The following STK39 variants were observed in gnomAD, a reference collection of about 807,000 sequenced individuals.
STK39 encodes STE20/SPS1-related proline-alanine-rich protein kinase.
A neutral mutation model predicts 77.8 loss-of-function variants in STK39; 20 were observed. The observed-to-expected ratio is 0.26, with a 90% CI of 0.18 to 0.37. STK39 has a LOEUF of 0.37. Ranked by LOEUF, STK39 falls within the 10% of genes least tolerant of loss-of-function variation. STK39 has a pLI of 1.00. For synonymous variants in STK39, 246 were observed against 234.1 expected, an observed-to-expected ratio of 1.05 and a Z score of -0.47; for missense variants, 479 against 656.5, an observed-to-expected ratio of 0.73 and a Z score of 2.95.
At chr2:168,124,971 A>AG (rs1367506626) in intron 10 of STK39, among the ~76,000 whole-genome samples, 1 of 150,980 alleles carries the variant, frequency 6.6e-6, no homozygotes, top group African/African-American at 2.4e-5. Flanking sequence ...TGGGGTCTGT[A>AG]GGGGGGTGGG....
chr2:167,992,327 C>G (rs1456858040), intron 16 of STK39, among the ~76,000 whole-genome samples: 1 of 151,942 alleles, frequency 6.6e-6, no homozygotes, highest in African/African-American at 2.4e-5. Flanking sequence ...AACCTGCCCC[C>G]CAACAACAAC....
chr2:168,058,422 C>G (rs1461949069), intron 14 of STK39, among the ~76,000 whole-genome samples: 1 of 152,200 alleles, frequency 6.6e-6, no homozygotes, highest in Non-Finnish European at 1.5e-5. Context: ...CACTTCTCTT[C>G]TCTACCTTCA....
chr2:168,204,237 C>G (rs1032959001), intron 1 of STK39, among the ~76,000 whole-genome samples: 1 of 152,158 alleles, frequency 6.6e-6, no homozygotes, highest in Non-Finnish European at 1.5e-5. Context: ...GGTCACCCTA[C>G]CTTGCCGCAC....
At chr2:168,194,684 A>C (rs998044358) in intron 1 of STK39, among the ~76,000 whole-genome samples, 1 of 152,342 alleles carries the variant, frequency 6.6e-6, no homozygotes, top group South Asian at 2.1e-4. Context: ...TCCAGAAAAC[A>C]TGATACCTCA....
intron 10 of STK39, among the ~76,000 whole-genome samples, chr2:168,077,886 T>C (rs1244594166): frequency 6.2e-5 from 9 of 145,974 alleles, no homozygotes; most frequent in Admixed American, 4.8e-4. Flanking sequence ...GAATAATACC[T>C]TGCAAAGTTA....
At chr2:168,003,572 G>A (rs571529722) in intron 16 of STK39, among the ~76,000 whole-genome samples, 22 of 152,156 alleles carry the variant, frequency 1.4e-4, no homozygotes, top group Middle Eastern at 3.4e-3. Context: ...GAAACCCTAC[G>A]TCATATCTAA....
intron 10 of STK39, among the ~76,000 whole-genome samples, chr2:168,105,139 G>C (rs1448463088): frequency 6.6e-6 from 1 of 152,206 alleles, no homozygotes; most frequent in East Asian, 1.9e-4. Flanking sequence ...AGGTGATCCT[G>C]ACAGTGGTTA....
chr2:168,170,670 A>G (rs1688800849), intron 2 of STK39, among the ~76,000 whole-genome samples: 1 of 152,166 alleles, frequency 6.6e-6, no homozygotes, highest in African/African-American at 2.4e-5. Context: ...GAAGGCAGAG[A>G]GGAAGGTTGG....
chr2:168,223,101 G>A (rs985856189), intron 1 of STK39, among the ~76,000 whole-genome samples: 2 of 152,116 alleles, frequency 1.3e-5, no homozygotes, highest in African/African-American at 4.8e-5. Flanking sequence ...CAAGTAACTG[G>A]CTCTCAGTCA....
rs552704197 is a variant in STK39, at chr2:168,200,720, G to A, written c.209-18630C>T. Among the ~76,000 whole-genome samples, 924 of 142,710 alleles carry A rather than the reference G, an allele frequency of 6.5e-3. 11 individuals are homozygous for A. Among genetic ancestry groups the A allele is most frequent in the African/African-American group, 0.024 (826 of 34,898 alleles). The allele number at this position is 142,710 out of a possible 152,430, so 93.6% of individuals were successfully genotyped here. ...AAAATAAAATAAAATAAAATAAAAT[G>A]GGAACTTAAAAATCTATTCTGTTAA... On this transcript the variant is annotated intron_variant, in intron 1 of 17. Coordinates refer to ENST00000355999, the MANE Select transcript of STK39 (RefSeq NM_013233.3).
chr2:168,001,975 C>T (rs1042439193), intron 16 of STK39, among the ~76,000 whole-genome samples: 3 of 152,118 alleles, frequency 2.0e-5, no homozygotes, highest in South Asian at 2.1e-4. Context: ...GAAAGTGTGG[C>T]GAGACTGAGT....
intron 12 of STK39, among the ~76,000 whole-genome samples, chr2:168,066,693 T>C (rs1330992768): frequency 6.6e-6 from 1 of 152,202 alleles, no homozygotes; most frequent in Non-Finnish European, 1.5e-5. Flanking sequence ...TCTCCTGCCC[T>C]GCACAATCAT....
chr2:168,211,640 T>C (rs978734565), intron 1 of STK39, among the ~76,000 whole-genome samples: 1 of 152,184 alleles, frequency 6.6e-6, no homozygotes, highest in African/African-American at 2.4e-5. Flanking sequence ...TTTTACTTAG[T>C]TGTGGGTAGC....
At chr2:168,178,994 G>A (rs1473025030) in intron 2 of STK39, among the ~76,000 whole-genome samples, 1 of 152,174 alleles carries the variant, frequency 6.6e-6, no homozygotes, top group Non-Finnish European at 1.5e-5. Flanking sequence ...GGGAGTCGGG[G>A]TCAGGAGGTG....
chr2:168,050,762 T>C (rs1031199492), intron 14 of STK39, among the ~76,000 whole-genome samples: 1 of 152,222 alleles, frequency 6.6e-6, no homozygotes, highest in African/African-American at 2.4e-5. Flanking sequence ...TGGAATACAA[T>C]ACATCTGTGC....
At chr2:168,213,988 A>G (rs1689959921) in intron 1 of STK39, among the ~76,000 whole-genome samples, 1 of 152,204 alleles carries the variant, frequency 6.6e-6, no homozygotes, top group Admixed American at 6.5e-5. Context: ...TCAACCTGAT[A>G]AACAGTATAA....
chr2:168,140,543 A>G, intron 6 of STK39, 106 bp downstream of exon 6: 2 of 1,158,748 alleles, frequency 1.7e-6, no homozygotes, highest in Non-Finnish European at 2.5e-6. Flanking sequence ...TCTTAGTTAC[A>G]TTATGCATTC....
At position 168,138,403 on chromosome 2, in the gene STK39, C is replaced by A. The variant is rs937929351; in HGVS notation, c.841-182G>T. 3.3e-5 allele frequency among the ~76,000 whole-genome samples: 5 copies of A among 152,340 alleles called. No homozygotes were observed. In the Middle Eastern group the frequency reaches 0.01, roughly 311 times the overall value. ...CATTACCACTGCAAATGTGTTCATG[C>A]CCCCTTTAACCTTTTTGTTATTCCA... On this transcript the variant is annotated intron_variant, in intron 7 of 17. Coordinates refer to ENST00000355999, the MANE Select transcript of STK39 (RefSeq NM_013233.3).
chr2:168,186,608 C>T (rs1189526571), intron 1 of STK39, among the ~76,000 whole-genome samples: 3 of 152,182 alleles, frequency 2.0e-5, no homozygotes, highest in African/African-American at 7.2e-5. Flanking sequence ...TGACTTTCGA[C>T]CTAACTGCTA....
Sources: gnomAD v4.1 joint callset for allele counts (sites outside exome capture counted in the v4.1 genomes callset) on GRCh38, gnomAD v4.1.1 for gene constraint, MANE v1.5 for transcripts, NCBI Gene and HGNC (gene_info 2026-07-23, HGNC 2026-07-21) for gene names.